NKAIN2: variants seen among roughly 807,000 people sequenced by gnomAD.
NKAIN2 encodes the protein sodium/potassium transporting ATPase interacting 2, also known as sodium/potassium-transporting ATPase subunit beta-1-interacting protein 2.
In NKAIN2, 14 loss-of-function variants were observed where a neutral mutation model predicts 32.6. That is an observed-to-expected ratio of 0.43 (90% confidence interval 0.28 to 0.67). The LOEUF (loss-of-function observed/expected upper bound fraction) is 0.67. Among genes scored for constraint, NKAIN2 ranks in the 30% least tolerant of loss-of-function variants. The pLI is 0.17. For synonymous variants in NKAIN2, 80 were observed against 87.2 expected, an observed-to-expected ratio of 0.92 and a Z score of 0.46; for missense variants, 198 against 258.3, an observed-to-expected ratio of 0.77 and a Z score of 1.60.
intron 2 of NKAIN2, among the ~76,000 whole-genome samples, chr6:124,328,197 G>T (rs1471405315): frequency 6.6e-6 from 1 of 152,148 alleles, no homozygotes; most frequent in African/African-American, 2.4e-5. Context: ...GCTTTATAGA[G>T]ATCATCGTAC....
At chr6:124,761,568 A>G (rs1313759554) in intron 4 of NKAIN2, among the ~76,000 whole-genome samples, 1 of 152,190 alleles carries the variant, frequency 6.6e-6, no homozygotes, top group Non-Finnish European at 1.5e-5. Context: ...ATCTTGACAA[A>G]TAGAATACTA....
intron 1 of NKAIN2, among the ~76,000 whole-genome samples, chr6:124,116,593 T>A (rs533409588): frequency 6.6e-5 from 10 of 152,208 alleles, no homozygotes; most frequent in African/African-American, 2.4e-4. Flanking sequence ...TTGTTTTTGT[T>A]TTTGTTTTTG....
intron 3 of NKAIN2, among the ~76,000 whole-genome samples, chr6:124,635,660 T>C (rs1269938750): frequency 6.6e-6 from 1 of 151,900 alleles, no homozygotes; most frequent in Non-Finnish European, 1.5e-5. Flanking sequence ...TTGGACAAAA[T>C]AGACAGTAAG....
chr6:124,302,283 TACTC>T (rs1253086580), intron 2 of NKAIN2, among the ~76,000 whole-genome samples: 1 of 152,252 alleles, frequency 6.6e-6, no homozygotes, highest in East Asian at 1.9e-4. Context: ...CTTTATAAAT[TACTC>T]ACTCACAGGT....
At chr6:124,172,154 A>G (rs1788927793) in intron 1 of NKAIN2, among the ~76,000 whole-genome samples, 1 of 152,074 alleles carries the variant, frequency 6.6e-6, no homozygotes, top group South Asian at 2.1e-4. Context: ...AGTTTTTTGC[A>G]TTTTTGGAAA....
At chr6:124,375,495 C>G (rs1196073082) in intron 3 of NKAIN2, among the ~76,000 whole-genome samples, 1 of 149,730 alleles carries the variant, frequency 6.7e-6, no homozygotes, top group Non-Finnish European at 1.5e-5. Context: ...AAAGGAATAG[C>G]ATTTTAATAT....
intron 2 of NKAIN2, among the ~76,000 whole-genome samples, chr6:124,331,990 G>A (rs73770412): frequency 0.011 from 1,673 of 152,154 alleles, 32 homozygotes; most frequent in African/African-American, 0.039. Flanking sequence ...CTGTGAATTA[G>A]TAAATTTGGC....
At chr6:124,616,135 A>G (rs1782878012) in intron 3 of NKAIN2, among the ~76,000 whole-genome samples, 1 of 151,920 alleles carries the variant, frequency 6.6e-6, no homozygotes, top group South Asian at 2.1e-4. Flanking sequence ...AGTTTCCCCA[A>G]ACTCTATCCT....
intron 1 of NKAIN2, among the ~76,000 whole-genome samples, chr6:124,088,643 C>A (rs773574849): frequency 6.6e-6 from 1 of 151,952 alleles, no homozygotes; most frequent in Non-Finnish European, 1.5e-5. Flanking sequence ...AAACTTAAAT[C>A]CAGAAAATAC....
At chr6:123,863,902 T>A (rs1259003276) in intron 1 of NKAIN2, among the ~76,000 whole-genome samples, 1 of 152,218 alleles carries the variant, frequency 6.6e-6, no homozygotes, top group East Asian at 1.9e-4. Flanking sequence ...AATCCAGTTA[T>A]ATGGCTGTCA....
At chr6:123,846,692 A>G (rs922184534) in intron 1 of NKAIN2, among the ~76,000 whole-genome samples, 2 of 152,182 alleles carry the variant, frequency 1.3e-5, no homozygotes, top group African/African-American at 4.8e-5. Flanking sequence ...AGCAAGCAGT[A>G]TATGCACGTG....
chr6:124,022,091 G>T (rs1038115313), intron 1 of NKAIN2, among the ~76,000 whole-genome samples: 1 of 132,756 alleles, frequency 7.5e-6, no homozygotes, highest in Non-Finnish European at 1.5e-5. Context: ...TCCCCATCCT[G>T]TGTCCAAGTG....
intron 4 of NKAIN2, among the ~76,000 whole-genome samples, chr6:124,729,505 A>G (rs1214700086): frequency 1.3e-5 from 2 of 151,430 alleles, no homozygotes; most frequent in Admixed American, 6.6e-5. Flanking sequence ...ACAAAATTCA[A>G]CAACCCTTCA....
chr6:124,653,279 G>A lies in NKAIN2; in HGVS notation c.274-4907G>A, dbSNP rs191922271. 6.9e-4 allele frequency among the ~76,000 whole-genome samples: 105 copies of A among 152,068 alleles called. 1 individual carries two copies. Among genetic ancestry groups the A allele is most frequent in the Admixed American group, 6.7e-3 (102 of 15,270 alleles). Reference sequence around the variant, plus strand: ...AAGTTACAGTAATTAAAACAGTGTGGTATTGGCAAAAGAAGAGACAAATAG... The same window carrying A: ...AAGTTACAGTAATTAAAACAGTGTGATATTGGCAAAAGAAGAGACAAATAG... On this transcript the variant is annotated intron_variant, in intron 3 of 6. Transcript: ENST00000368417.
chr6:124,569,661 C>A (rs1781053032), intron 3 of NKAIN2, among the ~76,000 whole-genome samples: 1 of 152,152 alleles, frequency 6.6e-6, no homozygotes, highest in South Asian at 2.1e-4. Context: ...AAGTACCTTT[C>A]ACCCTCTGCC....
Position 124,515,449 on chromosome 6 carries a change from T to C in NKAIN2, c.274-142737T>C, listed in dbSNP as rs1373600850. Among the ~76,000 whole-genome samples, 4 of 152,016 alleles carry C rather than the reference T, an allele frequency of 2.6e-5. No individual in the cohort carries two copies. In the East Asian group the frequency reaches 5.9e-4, roughly 22 times the overall value. ...CTGGCCAGTGTGTGCAGAGATCACA[T>C]GGCCAGAGAGGAAGCAAGAGAGAGG... On this transcript the variant is annotated intron_variant, in intron 3 of 6. Coordinates refer to ENST00000368417, the MANE Select transcript of NKAIN2 (RefSeq NM_001040214.3).
At chr6:124,352,987 T>G (rs1040225038) in intron 2 of NKAIN2, among the ~76,000 whole-genome samples, 2 of 152,216 alleles carry the variant, frequency 1.3e-5, no homozygotes, top group African/African-American at 4.8e-5. Context: ...GAAAACAGTT[T>G]TGAGTTATCA....
At position 124,424,252 on chromosome 6, in the gene NKAIN2, A is replaced by G. The variant is rs377704487; in HGVS notation, c.273+68905A>G. On this transcript the variant is annotated intron_variant, in intron 3 of 6. Transcript: ENST00000368417. Reference sequence around the variant, plus strand: ...TCATGATCCGTCTGCTCGGCCTCCCAAAGTGCTTAATTTAACTTTGAATAA... The same window carrying G: ...TCATGATCCGTCTGCTCGGCCTCCCGAAGTGCTTAATTTAACTTTGAATAA... Among the ~76,000 whole-genome samples, 5 of 152,142 alleles carry G rather than the reference A, an allele frequency of 3.3e-5. No homozygotes were observed. In the East Asian group the frequency reaches 9.7e-4, roughly 29 times the overall value.
At chr6:124,497,935 C>G in intron 3 of NKAIN2, among the ~76,000 whole-genome samples, 1 of 150,882 alleles carries the variant, frequency 6.6e-6, no homozygotes, top group East Asian at 2.0e-4. Context: ...TGATTTCACA[C>G]TAAGGGAAAC....
Sources: gnomAD v4.1 joint callset for allele counts (sites outside exome capture counted in the v4.1 genomes callset) on GRCh38, gnomAD v4.1.1 for gene constraint, MANE v1.5 for transcripts, NCBI Gene and HGNC (gene_info 2026-07-23, HGNC 2026-07-21) for gene names.